SAMD12: variants seen among roughly 807,000 people sequenced by gnomAD.
The protein encoded by SAMD12 is sterile alpha motif domain-containing protein 12.
In SAMD12, 9 loss-of-function variants were observed where a neutral mutation model predicts 15.0. The ratio of observed to expected loss-of-function variants is 0.60; its 90% CI spans 0.36 to 1.05. The LOEUF (loss-of-function observed/expected upper bound fraction) is 1.05, where lower values mean the gene tolerates loss of function less well. SAMD12 is among the 50% of genes least tolerant of loss of function. The pLI, the probability that SAMD12 is intolerant of heterozygous loss-of-function variation, is 0.01. For missense variants in SAMD12, 230 were observed against 234.2 expected (o/e 0.98, Z 0.12); for synonymous variants, 86 against 90.1 (o/e 0.96, Z 0.25).
chr8:118,312,120 T>C (rs948938682), intron 4 of SAMD12, among the ~76,000 whole-genome samples: 5 of 152,180 alleles, frequency 3.3e-5, no homozygotes, highest in Admixed American at 2.6e-4. Flanking sequence ...TTACACATTT[T>C]CACCATCTCA....
At chr8:118,313,885 TTG>T (rs1182532933) in intron 4 of SAMD12, among the ~76,000 whole-genome samples, 2 of 151,704 alleles carry the variant, frequency 1.3e-5, no homozygotes, top group African/African-American at 4.8e-5. Flanking sequence ...TGACATGTGC[TTG>T]TGTGTGTGTA....
At chr8:118,428,973 T>A (rs570353017) in intron 3 of SAMD12, among the ~76,000 whole-genome samples, 2 of 152,284 alleles carry the variant, frequency 1.3e-5, no homozygotes, top group Non-Finnish European at 2.9e-5. Context: ...CATTTTATTT[T>A]AAAAAATCTG....
At chr8:118,150,506 G>A in the SAMD12 span, among the ~76,000 whole-genome samples, 13 of 151,984 alleles carry the variant, frequency 8.6e-5, no homozygotes, top group Admixed American at 2.0e-4. Flanking sequence ...TCGGCCTCCC[G>A]AGTAGCTAGA....
chr8:118,413,660 T>A (rs1435172753), intron 3 of SAMD12, among the ~76,000 whole-genome samples: 1 of 152,138 alleles, frequency 6.6e-6, no homozygotes, highest in Non-Finnish European at 1.5e-5. Context: ...TATTTTGAGA[T>A]CCCTGAAGAC....
chr8:118,460,720 G>A (rs1449831402), intron 2 of SAMD12, among the ~76,000 whole-genome samples: 2 of 152,158 alleles, frequency 1.3e-5, no homozygotes, highest in South Asian at 2.1e-4. Flanking sequence ...AAAAGCTGGA[G>A]TAGAGCAGAG....
chr8:118,378,545 G>A lies in SAMD12; in HGVS notation c.*872C>T, dbSNP rs577272691. 2 of 984,592 alleles carry A rather than the reference G, an allele frequency of 2.0e-6. No homozygotes were observed. The highest frequency in any genetic ancestry group is 3.5e-5 in the African/African-American group (2 of 57,268). The allele number at this position is 984,592 out of a possible 1,614,324, so 61.0% of individuals were successfully genotyped here. A position where few individuals can be genotyped will look rare whatever the true frequency, so the allele number is the denominator to read the frequency against. ...TCAGGGAGCACATTATTTCCTCTAG[G>A]CAAATGGACTATTACTAGGTTAATC... is the stretch of plus-strand genomic sequence containing the variant. On this transcript the variant is annotated 3_prime_UTR_variant, in exon 4 of 4. Coordinates refer to ENST00000314727, the MANE Select transcript of SAMD12 (RefSeq NM_207506.3).
intron 2 of SAMD12, among the ~76,000 whole-genome samples, chr8:118,479,139 C>T (rs1032275791): frequency 3.3e-5 from 5 of 149,380 alleles, no homozygotes; most frequent in African/African-American, 1.3e-4. Context: ...CAGTTTCTGT[C>T]TCTCTGATCA....
At chr8:118,613,865 T>C (rs979965687) in intron 1 of SAMD12, among the ~76,000 whole-genome samples, 1 of 152,210 alleles carries the variant, frequency 6.6e-6, no homozygotes, top group African/African-American at 2.4e-5. Flanking sequence ...TTGCTGGTGT[T>C]AAGTGGCAAG....
In SAMD12 at chr8:118,378,317, A is replaced by G. The variant is rs1819490778; in HGVS notation, c.*1100T>C. ...TAGCACTGTGACAGACTTTCTTATC[A>G]TAATCTTCGTATTTCTATCTACTTC... On this transcript the variant is annotated 3_prime_UTR_variant, in exon 4 of 4. Transcript: ENST00000314727. The G allele has an allele frequency of 1.2e-6, 1 of 852,654 alleles. No individual in the cohort carries two copies. Among genetic ancestry groups the G allele is most frequent in the African/African-American group, 1.8e-5 (1 of 54,446 alleles). The allele number at this position is 852,654 out of a possible 1,614,324, so 52.8% of individuals were successfully genotyped here.
rs60480616 is a variant in SAMD12 at position 118,447,892 on chromosome 8, A to AT, written c.193-7932dup. 1.9e-4 allele frequency among the ~76,000 whole-genome samples: 28 copies of AT among 149,528 alleles called. No individual in the cohort carries two copies. In the East Asian group the frequency reaches 4.2e-3, roughly 23 times the overall value. ...AGGAGCCCGCCACCATGCGTGGCTA[A>AT]TTTTTTTTTGTATTTTTAGTAGAGA... On this transcript the variant is annotated intron_variant, in intron 2 of 3. Transcript: ENST00000314727.
At chr8:118,518,414 G>A (rs1825301809) in intron 2 of SAMD12, among the ~76,000 whole-genome samples, 1 of 152,128 alleles carries the variant, frequency 6.6e-6, no homozygotes, top group Non-Finnish European at 1.5e-5. Context: ...TAGTTATGGG[G>A]CCAATATTTG....
chr8:118,297,904 T>A (rs1037004872), intron 4 of SAMD12, among the ~76,000 whole-genome samples: 1 of 152,168 alleles, frequency 6.6e-6, no homozygotes, highest in African/African-American at 2.4e-5. Context: ...GTGCTAATAA[T>A]AGAAAACAGC....
At chr8:118,415,447 A>AGG (rs1475056650) in intron 3 of SAMD12, among the ~76,000 whole-genome samples, 21 of 34,852 alleles carry the variant, frequency 6.0e-4, no homozygotes, top group African/African-American at 1.5e-3. Flanking sequence ...CCTTGTCCTA[A>AGG]GGTGTGTGTG....
At position 118,269,496 on chromosome 8, in the gene SAMD12, T is replaced by G. The variant is rs77330403; in HGVS notation, c.434-71764A>C. On this transcript the variant is annotated intron_variant, in intron 4 of 4. Coordinates refer to the SAMD12 transcript ENST00000409003. ...ATTGATGTAGATATTGAACACCTTA[T>G]GCCCAGGCCCCCTTTTCACTTAACC... Among the ~76,000 whole-genome samples, 751 of 152,286 alleles carry G rather than the reference T, an allele frequency of 4.9e-3. 5 individuals are homozygous for G. The highest frequency in any genetic ancestry group is 0.017 in the African/African-American group (710 of 41,554).
At chr8:118,528,477 A>T (rs1825594028) in intron 2 of SAMD12, among the ~76,000 whole-genome samples, 1 of 152,230 alleles carries the variant, frequency 6.6e-6, no homozygotes, top group Non-Finnish European at 1.5e-5. Flanking sequence ...TAAATGGTAA[A>T]CCTTTAATCA....
intron 2 of SAMD12, among the ~76,000 whole-genome samples, chr8:118,541,548 A>T (rs1453024152): frequency 6.6e-6 from 1 of 152,224 alleles, no homozygotes; most frequent in African/African-American, 2.4e-5. Flanking sequence ...AATTGTAGAC[A>T]GTAGGTAAGT....
At chr8:118,423,980 C>A (rs948652460) in intron 3 of SAMD12, among the ~76,000 whole-genome samples, 4 of 152,024 alleles carry the variant, frequency 2.6e-5, no homozygotes, top group Admixed American at 6.6e-5. Context: ...ATTCTTTCTA[C>A]CTTGAGTTAC....
intron 3 of SAMD12, among the ~76,000 whole-genome samples, chr8:118,390,616 C>A (rs905220841): frequency 5.3e-5 from 8 of 152,170 alleles, no homozygotes; most frequent in African/African-American, 1.9e-4. Flanking sequence ...TAAAGGTCAG[C>A]CAACCCATTG....
At chr8:118,321,573 C>T (rs1246508173) in intron 4 of SAMD12, among the ~76,000 whole-genome samples, 1 of 152,018 alleles carries the variant, frequency 6.6e-6, no homozygotes, top group East Asian at 1.9e-4. Context: ...AAGATCACAC[C>T]ACTGCACTCT....
Sources: gnomAD v4.1 joint callset for allele counts (sites outside exome capture counted in the v4.1 genomes callset) on GRCh38, gnomAD v4.1.1 for gene constraint, MANE v1.5 for transcripts, NCBI Gene and HGNC (gene_info 2026-07-23, HGNC 2026-07-21) for gene names.